CDKL5: variants seen among roughly 807,000 people sequenced by gnomAD.
The protein encoded by CDKL5 is cyclin dependent kinase like 5, also known as cyclin-dependent kinase-like 5.
Under a neutral mutation model 61.7 loss-of-function variants are expected in CDKL5, and 8 were observed. That is an observed-to-expected ratio of 0.13 (90% CI 0.08 to 0.23). The LOEUF (loss-of-function observed/expected upper bound fraction) is 0.23. CDKL5 is among the 10% of genes least tolerant of loss of function. The pLI, the probability that CDKL5 is intolerant of heterozygous loss-of-function variation, is 1.00. For synonymous variants in CDKL5, 275 were observed against 272.3 expected (o/e 1.01, Z -0.10); for missense variants, 440 against 734.5 (o/e 0.60, Z 4.63).
At chrX:18,645,049 C>T (rs941332455), downstream of CDKL5, among the ~76,000 whole-genome samples, 5 of 112,309 alleles carry the variant, frequency 4.5e-5, no homozygotes, top group African/African-American at 1.6e-4. Context: ...GTGTTTCCCT[C>T]GGTTGGTGAC....
chrX:18,469,528 AT>A (rs1234192749), intron 1 of CDKL5, among the ~76,000 whole-genome samples: 5 of 105,184 alleles, frequency 4.8e-5, no homozygotes, highest in Non-Finnish European at 7.8e-5. Context: ...CATGCCTGTA[AT>A]TTCAGCTACT....
At chrX:18,442,634 C>T (rs1602192485) in intron 1 of CDKL5, among the ~76,000 whole-genome samples, 1 of 111,075 alleles carries the variant, frequency 9.0e-6, no homozygotes, top group Non-Finnish European at 1.9e-5. Context: ...GCTGGGACTA[C>T]AGGTGCCCGC....
Position 18,638,299 on chromosome X carries a change from A to T in CDKL5, c.*9542A>T, listed in dbSNP as rs1380596097. 2 of 112,484 alleles carry T rather than the reference A, an allele frequency of 1.8e-5. No homozygotes were observed. The highest frequency in any genetic ancestry group is 6.5e-5 in the African/African-American group (2 of 30,938). The allele number at this position is 112,484 out of a possible 1,213,427, so 9.3% of individuals were successfully genotyped here. On this transcript the variant is annotated 3_prime_UTR_variant, in exon 18 of 18. Coordinates refer to ENST00000623535, the MANE Select transcript of CDKL5 (RefSeq NM_001323289.2). ...TTTGTTCGTAACATTTCATTTAATTATTTAAAAATCTGCAAATGTTGTGTA... is the reference window on the plus strand; with the variant it reads ...TTTGTTCGTAACATTTCATTTAATTTTTTAAAAATCTGCAAATGTTGTGTA...
intron 10 of CDKL5, among the ~76,000 whole-genome samples, chrX:18,597,672 C>T (rs1227440957): frequency 1.0e-5 from 1 of 99,731 alleles, no homozygotes; most frequent in Non-Finnish European, 2.0e-5. Context: ...TCTCAGCTCA[C>T]TGCAACCTCC....
chrX:18,522,695 A>T (rs1384572659), intron 3 of CDKL5, among the ~76,000 whole-genome samples: 1 of 109,862 alleles, frequency 9.1e-6, no homozygotes, highest in East Asian at 2.8e-4. Context: ...GAAATTTTTT[A>T]AAGATTTTTT....
chrX:18,605,907 G>T (rs1040901202), intron 12 of CDKL5, among the ~76,000 whole-genome samples: 2 of 112,199 alleles, frequency 1.8e-5, no homozygotes, highest in African/African-American at 3.2e-5. Flanking sequence ...TAAGTAGCCA[G>T]GTGCAGTGGC....
At position 18,619,869 on chromosome X, in the gene CDKL5, A is replaced by G. The variant is rs1285199924; in HGVS notation, c.2279A>G (p.Lys760Arg). The change falls in exon 16 of 18, where the codon AAA becomes AGA. Residue 760 changes from lysine (K) to arginine (R), a missense_variant and splice_region_variant. By Grantham distance (26) the Lys-to-Arg change is conservative. Around this residue, in one of 2 missense-constraint regions of CDKL5, gnomAD observed 363 missense variants for 516.3 expected, o/e 0.70. Coordinates refer to ENST00000623535, the MANE Select transcript of CDKL5 (RefSeq NM_001323289.2). ...GATAAAAATGTCTTCTCATTTAGGAAAAGTCCTGAAAATATTAGTCATTCA... is the reference window on the plus strand; with the variant it reads ...GATAAAAATGTCTTCTCATTTAGGAGAAGTCCTGAAAATATTAGTCATTCA... ...SKRQPAFDPW[K>R]SPENISHSEQ... 7 of 1,149,357 alleles carry G rather than the reference A, an allele frequency of 6.1e-6. No homozygotes were observed. The highest frequency in any genetic ancestry group is 8.3e-6 in the Non-Finnish European group (7 of 841,704). The allele number at this position is 1,149,357 out of a possible 1,213,427, so 94.7% of individuals were successfully genotyped here.
At chrX:18,484,678 T>A (rs1921722344) in intron 1 of CDKL5, among the ~76,000 whole-genome samples, 1 of 111,452 alleles carries the variant, frequency 9.0e-6, no homozygotes, top group African/African-American at 3.3e-5. Flanking sequence ...CAAGCCCATT[T>A]CTTTCTCTGT....
At chrX:18,550,081 G>A (rs988513096) in intron 3 of CDKL5, among the ~76,000 whole-genome samples, 3 of 111,571 alleles carry the variant, frequency 2.7e-5, no homozygotes, top group African/African-American at 6.5e-5. Flanking sequence ...TGACAGCCAC[G>A]CTGTAGCTGA....
chrX:18,577,837 T>C (rs1925350176), intron 5 of CDKL5, among the ~76,000 whole-genome samples: 1 of 112,332 alleles, frequency 8.9e-6, no homozygotes, highest in Admixed American at 9.4e-5. Flanking sequence ...TACAAAGCCT[T>C]CTTATTCCAC....
At chrX:18,626,159 C>T (rs781239430) in intron 17 of CDKL5, among the ~76,000 whole-genome samples, 1 of 108,836 alleles carries the variant, frequency 9.2e-6, no homozygotes, top group South Asian at 4.1e-4. Context: ...CTTAACCTCC[C>T]TGTGCTCAGG....
intron 1 of CDKL5, among the ~76,000 whole-genome samples, chrX:18,451,285 G>A (rs190724261): frequency 3.4e-4 from 38 of 110,910 alleles, no homozygotes; most frequent in African/African-American, 1.1e-3. Flanking sequence ...TCCATCTTCC[G>A]GGTTCAAACG....
chrX:18,629,284 CATTT>C lies in CDKL5; in HGVS notation c.*534_*537del, dbSNP rs1440175723. 25 of 661,709 alleles carry C rather than the reference CATTT, an allele frequency of 3.8e-5. No individual in the cohort carries two copies. Among genetic ancestry groups the C allele is most frequent in the Non-Finnish European group, 1.8e-5 (10 of 556,695 alleles). 54.5% of individuals were successfully genotyped at this position (661,709 alleles called of 1,213,427 possible). A position where few individuals can be genotyped will look rare whatever the true frequency, so the allele number is the denominator to read the frequency against. On this transcript the variant is annotated 3_prime_UTR_variant, in exon 18 of 18. Coordinates refer to ENST00000623535, the MANE Select transcript of CDKL5 (RefSeq NM_001323289.2). ...CTTCCATATTTGATAGGATTTGTAA[CATTT>C]ATTTATAATTAATATTGTACTGTTA...
Position 18,542,659 on chromosome X carries a change from A to ATT in CDKL5, c.100-21804_100-21803dup, listed in dbSNP as rs199564053. 4.2e-3 allele frequency among the ~76,000 whole-genome samples: 400 copies of ATT among 95,945 alleles called. 2 individuals are homozygous for ATT. Among genetic ancestry groups the ATT allele is most frequent in the African/African-American group, 0.015 (378 of 25,280 alleles). The allele number at this position is 95,945 out of a possible 115,157, so 83.3% of individuals were successfully genotyped here. On this transcript the variant is annotated intron_variant, in intron 3 of 17. Transcript: ENST00000623535. Reference sequence around the variant, plus strand: ...GATTTTCATGGTTCCTAATATGATGATTTTTTTTTTTTTTTGTATCCTGGT... The same window carrying ATT: ...GATTTTCATGGTTCCTAATATGATGATTTTTTTTTTTTTTTTTGTATCCTGGT...
chrX:18,444,296 T>G (rs899499734), intron 1 of CDKL5, among the ~76,000 whole-genome samples: 13 of 111,529 alleles, frequency 1.2e-4, no homozygotes, highest in African/African-American at 3.9e-4. Context: ...TGTTGTTTAA[T>G]TTACATTTCT....
chrX:18,502,349 A>C (rs562563210), intron 1 of CDKL5, among the ~76,000 whole-genome samples: 8 of 112,231 alleles, frequency 7.1e-5, no homozygotes, highest in African/African-American at 2.3e-4. Flanking sequence ...TTTCATCTCA[A>C]ATTGTGACAT....
intron 3 of CDKL5, among the ~76,000 whole-genome samples, chrX:18,553,339 T>C (rs916126662): frequency 9.0e-6 from 1 of 111,677 alleles, no homozygotes; most frequent in Non-Finnish European, 1.9e-5. Context: ...AAAAGATTCA[T>C]GGAGGGCAGA....
At chrX:18,499,752 T>C in intron 1 of CDKL5, among the ~76,000 whole-genome samples, 1 of 112,230 alleles carries the variant, frequency 8.9e-6, no homozygotes, top group Middle Eastern at 4.6e-3. Context: ...CCCAAAGTCT[T>C]TTGGGATCAT....
chrX:18,546,778 C>T (rs187845362), intron 3 of CDKL5, among the ~76,000 whole-genome samples: 5 of 111,230 alleles, frequency 4.5e-5, no homozygotes, highest in Admixed American at 3.8e-4. Context: ...GAAGTGAGGC[C>T]GCATGGCAAA....
Sources: allele counts gnomAD v4.1 joint callset (sites outside exome capture counted in the v4.1 genomes callset), GRCh38; gene constraint gnomAD v4.1.1; regional missense constraint gnomAD v4.1.1; transcripts MANE v1.5; gene names NCBI Gene and HGNC (gene_info 2026-07-23, HGNC 2026-07-21).